Variants in EIF3CL observed in about 807,000 individuals in gnomAD.
EIF3CL encodes the protein eukaryotic translation initiation factor 3 subunit C-like protein.
For synonymous variants in EIF3CL, 2 were observed against 19.6 expected (o/e 0.10, Z 2.37); for missense variants, 5 against 56.1 (o/e 0.09, Z 2.91).
At chr16:28,405,880 TATACACACACACACACACAC>T (rs1567241775), upstream of EIF3CL, among the ~76,000 whole-genome samples, 2 of 145,208 alleles carry the variant, frequency 1.4e-5, no homozygotes, top group East Asian at 1.9e-4. Context: ...TCTCTTTGTG[TATACACACACACACACACAC>T]ATACACACAC....
At chr16:28,419,529 C>G in the EIF3CL span, among the ~76,000 whole-genome samples, 1 of 132,928 alleles carries the variant, frequency 7.5e-6, no homozygotes, top group South Asian at 2.5e-4. Flanking sequence ...AAGACTCCAT[C>G]TAGCACCTGA....
At chr16:28,387,539 G>A (rs1379166380) in intron 15 of EIF3CL, among the ~76,000 whole-genome samples, 2 of 150,320 alleles carry the variant, frequency 1.3e-5, no homozygotes, top group African/African-American at 4.9e-5. Context: ...AATGTTCACA[G>A]CAGCTTCATA....
At chr16:28,422,238 TTTG>T in the EIF3CL span, among the ~76,000 whole-genome samples, 104 of 97,798 alleles carry the variant, frequency 1.1e-3, 15 homozygotes, top group Non-Finnish European at 2.1e-3. Flanking sequence ...GTGGTTCTTC[TTTG>T]TTGTTGTTGT....
the EIF3CL span, among the ~76,000 whole-genome samples, chr16:28,415,504 C>G: frequency 7.1e-6 from 1 of 139,920 alleles, no homozygotes; most frequent in Non-Finnish European, 1.5e-5. Context: ...AATCCCAGCA[C>G]GCTGGGAGGC....
chr16:28,417,215 G>T, the EIF3CL span, among the ~76,000 whole-genome samples: 1 of 148,832 alleles, frequency 6.7e-6, no homozygotes, highest in Non-Finnish European at 1.5e-5. Flanking sequence ...CCCCTGCCCG[G>T]CGAGCCGCCC....
chr16:28,416,845 C>A, the EIF3CL span, among the ~76,000 whole-genome samples: 1 of 76,290 alleles, frequency 1.3e-5, no homozygotes, highest in Non-Finnish European at 2.9e-5. Context: ...AAGTGAGGAG[C>A]CCCTCTGCCC....
the EIF3CL span, among the ~76,000 whole-genome samples, chr16:28,417,881 A>AAAT: frequency 6.8e-6 from 1 of 147,842 alleles, no homozygotes; most frequent in African/African-American, 2.4e-5. Flanking sequence ...GCAAAAAAAA[A>AAAT]AAAAAAAAAA....
At chr16:28,421,930 A>G in the EIF3CL span, among the ~76,000 whole-genome samples, 1 of 76,194 alleles carries the variant, frequency 1.3e-5, no homozygotes, top group Non-Finnish European at 2.9e-5. Flanking sequence ...TGAAGTCCTA[A>G]AAATGCTACT....
At chr16:28,385,114 TA>T (rs1399666065) in intron 15 of EIF3CL, among the ~76,000 whole-genome samples, 1 of 78,906 alleles carries the variant, frequency 1.3e-5, no homozygotes, top group Non-Finnish European at 2.7e-5. Context: ...ATACAAAAGT[TA>T]GCCGGGTAGT....
chr16:28,414,822 A>T, the EIF3CL span: 1 of 476,952 alleles, frequency 2.1e-6, no homozygotes, highest in Non-Finnish European at 4.2e-6. Flanking sequence ...GAACTCCAAA[A>T]GGGCTTCAAT....
the EIF3CL span, among the ~76,000 whole-genome samples, chr16:28,415,611 A>G: frequency 1.1e-4 from 13 of 117,742 alleles, no homozygotes; most frequent in Non-Finnish European, 1.9e-4. Flanking sequence ...TTAGCCGGGC[A>G]TGGTGGCACC....
chr16:28,417,872 CAAAAAAAA>C, the EIF3CL span, among the ~76,000 whole-genome samples: 4 of 109,686 alleles, frequency 3.6e-5, no homozygotes, highest in East Asian at 3.2e-4. Flanking sequence ...TTTAGGAATG[CAAAAAAAA>C]AAAAAAAAAA....
At chr16:28,422,613 A>T in the EIF3CL span, among the ~76,000 whole-genome samples, 1 of 142,794 alleles carries the variant, frequency 7.0e-6, no homozygotes, top group Non-Finnish European at 1.5e-5. Context: ...CAGGTGGATT[A>T]CCTGAGGTCA....
the EIF3CL span, among the ~76,000 whole-genome samples, chr16:28,419,201 T>C: frequency 2.7e-5 from 4 of 150,536 alleles, no homozygotes; most frequent in Non-Finnish European, 5.9e-5. Context: ...AGAGATGGGG[T>C]TTCACCGTGT....
At position 28,396,680 on chromosome 16, in the gene EIF3CL, A is replaced by C. The variant is rs2141659198; in HGVS notation, c.776+3191T>G. Among the ~76,000 whole-genome samples, 2 of 83,192 alleles carry C rather than the reference A, an allele frequency of 2.4e-5. 1 individual carries two copies. The highest frequency in any genetic ancestry group is 6.6e-4 in the South Asian group (2 of 3,036). 54.6% of individuals were successfully genotyped at this position (83,192 alleles called of 152,430 possible). On this transcript the variant is annotated intron_variant, in intron 8 of 20. Coordinates refer to ENST00000380876, the MANE Select transcript of EIF3CL (RefSeq NM_001317857.2). The stretch of plus-strand genomic sequence containing the variant: ...AAGACTCTGTCTCAAAAAAAAAAAA[A>C]AAAAAAAAAACTTTAAACAAGTGCA...
At chr16:28,416,851 T>A in the EIF3CL span, among the ~76,000 whole-genome samples, 23 of 60,680 alleles carry the variant, frequency 3.8e-4, no homozygotes, top group East Asian at 6.5e-4. Context: ...GGAGCCCCTC[T>A]GCCCGGCCAG....
At chr16:28,414,757 A>C in the EIF3CL span, 1 of 416,960 alleles carries the variant, frequency 2.4e-6, no homozygotes, top group Admixed American at 3.2e-5. Flanking sequence ...GGAGCTCAAG[A>C]AGCAGCTTGG....
the EIF3CL span, among the ~76,000 whole-genome samples, chr16:28,417,192 G>A: frequency 1.0e-4 from 15 of 146,830 alleles, no homozygotes; most frequent in East Asian, 2.4e-3. Flanking sequence ...GAGGGAGGTG[G>A]GGGGGGTCAG....
At chr16:28,419,107 C>T in the EIF3CL span, among the ~76,000 whole-genome samples, 274 of 144,446 alleles carry the variant, frequency 1.9e-3, 15 homozygotes, top group African/African-American at 6.6e-4. Context: ...CCTGGGTTCA[C>T]GCCATTCTCC....
Sources: gnomAD v4.1 joint callset for allele counts (sites outside exome capture counted in the v4.1 genomes callset) on GRCh38, gnomAD v4.1.1 for gene constraint, MANE v1.5 for transcripts, NCBI Gene and HGNC (gene_info 2026-07-23, HGNC 2026-07-21) for gene names.